RGS7: variants seen among roughly 807,000 people sequenced by gnomAD.
RGS7 encodes the protein regulator of G protein signaling 7.
RGS7 carries 27 observed loss-of-function variants against 81.1 expected under a neutral mutation model. The ratio of observed to expected loss-of-function variants is 0.33; its 90% CI spans 0.25 to 0.46. The LOEUF (loss-of-function observed/expected upper bound fraction) is 0.46, where lower values mean the gene tolerates loss of function less well. Ranked by LOEUF, RGS7 falls within the 20% of genes least tolerant of loss-of-function variation. The pLI is 1.00. For synonymous variants in RGS7, 208 were observed against 207.7 expected, an observed-to-expected ratio of 1.00 and a Z score of -0.01; for missense variants, 396 against 607.4, an observed-to-expected ratio of 0.65 and a Z score of 3.66.
chr1:241,170,910 TATC>T (rs2070688474), intron 2 of RGS7, among the ~76,000 whole-genome samples: 3 of 151,970 alleles, frequency 2.0e-5, no homozygotes. Context: ...GAAGCAATAA[TATC>T]ATCATTTTAG....
intron 4 of RGS7, among the ~76,000 whole-genome samples, chr1:240,958,277 A>C (rs1334649603): frequency 6.6e-6 from 1 of 152,172 alleles, no homozygotes; most frequent in Non-Finnish European, 1.5e-5. Context: ...ACGATGTCAG[A>C]TTTTTCAGCT....
chr1:241,251,694 G>T (rs149812192), intron 2 of RGS7, among the ~76,000 whole-genome samples: 2,222 of 152,024 alleles, frequency 0.015, 54 homozygotes, highest in African/African-American at 0.051. Context: ...ACTTTTAGTA[G>T]AGACGGGGTT....
At chr1:241,044,287 AT>A (rs1290550150) in intron 3 of RGS7, among the ~76,000 whole-genome samples, 1 of 151,642 alleles carries the variant, frequency 6.6e-6, no homozygotes, top group Non-Finnish European at 1.5e-5. Context: ...TAATTTTTGT[AT>A]TTTTAGAAAC....
chr1:241,106,752 C>CCACACAGA (rs1553421295), intron 2 of RGS7, among the ~76,000 whole-genome samples: 4 of 121,684 alleles, frequency 3.3e-5, no homozygotes, highest in African/African-American at 1.3e-4. Context: ...AACACCACCA[C>CCACACAGA]CACACACACA....
intron 9 of RGS7, among the ~76,000 whole-genome samples, chr1:240,851,021 T>C (rs1343685191): frequency 6.6e-6 from 1 of 152,198 alleles, no homozygotes; most frequent in Non-Finnish European, 1.5e-5. Flanking sequence ...CAAGTGTTGA[T>C]GGAGAAGCTG....
intron 2 of RGS7, among the ~76,000 whole-genome samples, chr1:241,213,407 C>T (rs998236894): frequency 6.6e-6 from 1 of 152,132 alleles, no homozygotes; most frequent in Admixed American, 6.5e-5. Context: ...TGAAAGCTGG[C>T]CGTAGAACTG....
At chr1:241,026,787 G>C (rs1399253708) in intron 3 of RGS7, among the ~76,000 whole-genome samples, 2 of 150,764 alleles carry the variant, frequency 1.3e-5, no homozygotes, top group Admixed American at 6.7e-5. Context: ...AAAGAGTCTG[G>C]TGAGTGAGAG....
intron 2 of RGS7, among the ~76,000 whole-genome samples, chr1:241,135,405 C>T (rs900221695): frequency 3.9e-5 from 6 of 151,966 alleles, no homozygotes; most frequent in African/African-American, 9.7e-5. Flanking sequence ...CCAGCCTGGG[C>T]GACAGAGCGA....
chr1:241,102,481 C>T (rs1024353365), intron 2 of RGS7, among the ~76,000 whole-genome samples: 2 of 152,130 alleles, frequency 1.3e-5, no homozygotes, highest in African/African-American at 4.8e-5. Context: ...TGAAAGACTC[C>T]ACATTGATAA....
chr1:241,221,562 C>T (rs927814212), intron 2 of RGS7, among the ~76,000 whole-genome samples: 4 of 152,172 alleles, frequency 2.6e-5, no homozygotes, highest in East Asian at 1.9e-4. Context: ...CTTGGCTGGG[C>T]GACAACGCCC....
intron 4 of RGS7, among the ~76,000 whole-genome samples, chr1:240,960,454 C>T (rs1300091703): frequency 6.6e-6 from 1 of 150,500 alleles, no homozygotes; most frequent in Admixed American, 6.6e-5. Context: ...ATGTCACAGG[C>T]TGGTCTTGAA....
At chr1:240,784,063 T>C (rs1233199723) in intron 18 of RGS7, among the ~76,000 whole-genome samples, 1 of 148,334 alleles carries the variant, frequency 6.7e-6, no homozygotes, top group African/African-American at 2.5e-5. Flanking sequence ...GGCAGGTGCC[T>C]GTAATCCCAG....
At chr1:241,193,999 C>G (rs951526411) in intron 2 of RGS7, among the ~76,000 whole-genome samples, 6 of 152,140 alleles carry the variant, frequency 3.9e-5, no homozygotes, top group Non-Finnish European at 7.4e-5. Flanking sequence ...TTAGGAATTC[C>G]CTCATCACCA....
At chr1:241,132,962 C>T (rs1558113368) in intron 2 of RGS7, among the ~76,000 whole-genome samples, 4 of 152,004 alleles carry the variant, frequency 2.6e-5, no homozygotes. Flanking sequence ...TGGGGTTTCA[C>T]CGTGTTAGCC....
rs182165906 is a variant in RGS7, at chr1:241,094,559, T to A, written c.175+4107A>T. 1.4e-3 allele frequency among the ~76,000 whole-genome samples: 206 copies of A among 152,286 alleles called. 5 individuals are homozygous for A. Among genetic ancestry groups the A allele is most frequent in the Non-Finnish European group, 3.5e-4 (24 of 68,016 alleles). Reference sequence around the variant, plus strand: ...GGAATTATCCAAAGATACTGTCCTATGGTCTTGGGACTATGGAAACCAGGA... The same window carrying A: ...GGAATTATCCAAAGATACTGTCCTAAGGTCTTGGGACTATGGAAACCAGGA... On this transcript the variant is annotated intron_variant, in intron 3 of 18. Transcript: ENST00000440928.
chr1:240,899,876 A>G (rs1669696319), intron 6 of RGS7, among the ~76,000 whole-genome samples: 1 of 152,148 alleles, frequency 6.6e-6, no homozygotes, highest in Admixed American at 6.5e-5. Flanking sequence ...TATCCTGAAG[A>G]GTGTTTTCCA....
intron 2 of RGS7, among the ~76,000 whole-genome samples, chr1:241,201,780 A>G (rs2073519235): frequency 6.6e-6 from 1 of 152,316 alleles, no homozygotes; most frequent in Admixed American, 6.5e-5. Context: ...TGGTCTAATT[A>G]AGGCTGAATG....
At chr1:240,777,346 G>A (rs1269471406) in intron 18 of RGS7, among the ~76,000 whole-genome samples, 1 of 152,108 alleles carries the variant, frequency 6.6e-6, no homozygotes, top group African/African-American at 2.4e-5. Context: ...TTCATTTCAT[G>A]TCTTATTTTA....
intron 3 of RGS7, among the ~76,000 whole-genome samples, chr1:241,005,193 A>G (rs1349932645): frequency 2.0e-5 from 3 of 152,268 alleles, no homozygotes; most frequent in African/African-American, 4.8e-5. Flanking sequence ...AATCACTTCT[A>G]TGAAGTTGCT....
Sources: allele counts gnomAD v4.1 joint callset (sites outside exome capture counted in the v4.1 genomes callset), GRCh38; gene constraint gnomAD v4.1.1; transcripts MANE v1.5; gene names NCBI Gene and HGNC (gene_info 2026-07-23, HGNC 2026-07-21).